The following NMNAT2 variants were observed in gnomAD, a reference collection of about 807,000 sequenced individuals.
NMNAT2 encodes nicotinamide/nicotinic acid mononucleotide adenylyltransferase 2.
Under a neutral mutation model 41.6 loss-of-function variants are expected in NMNAT2, and 11 were observed. That is an observed-to-expected ratio of 0.26 (90% CI 0.17 to 0.44). The LOEUF (loss-of-function observed/expected upper bound fraction) is 0.44. NMNAT2 is among the 20% of genes least tolerant of loss of function. NMNAT2 has a pLI of 1.00. For synonymous variants in NMNAT2, 148 were observed against 151.2 expected, an observed-to-expected ratio of 0.98 and a Z score of 0.16; for missense variants, 288 against 407.7, an observed-to-expected ratio of 0.71 and a Z score of 2.53.
intron 1 of NMNAT2, among the ~76,000 whole-genome samples, chr1:183,326,892 G>T (rs1260608927): frequency 6.6e-6 from 1 of 152,152 alleles, no homozygotes; most frequent in Non-Finnish European, 1.5e-5. Context: ...AGATAACCAG[G>T]TGGATGGAAG....
chr1:183,271,712 G>A (rs1466144738), intron 8 of NMNAT2, among the ~76,000 whole-genome samples: 1 of 152,060 alleles, frequency 6.6e-6, no homozygotes, highest in Non-Finnish European at 1.5e-5. Flanking sequence ...AGCATTTGTT[G>A]AAAGATTGAT....
At chr1:183,292,686 A>G in intron 3 of NMNAT2, 104 bp downstream of exon 3, 1 of 1,063,976 alleles carries the variant, frequency 9.4e-7, no homozygotes, top group Non-Finnish European at 1.4e-6. Context: ...CTGCCTCCCC[A>G]TCCTTTCAGG....
At position 183,258,917 on chromosome 1, in the gene NMNAT2, C is replaced by T. The variant is rs534654019; in HGVS notation, c.821+2085G>A. Among the ~76,000 whole-genome samples the T allele has an allele frequency of 7.2e-5, 11 of 152,278 alleles. No individual in the cohort carries two copies. In the South Asian group the frequency reaches 1.2e-3, roughly 17 times the overall value. On this transcript the variant is annotated intron_variant, in intron 10 of 10. Transcript: ENST00000287713. The stretch of plus-strand genomic sequence containing the variant: ...AAGTTTTCCTTAAAAACTCTGCTCC[C>T]GAAATGCTCAGGGAGACTGATTTGA...
intron 1 of NMNAT2, among the ~76,000 whole-genome samples, chr1:183,372,353 C>T (rs796876192): frequency 9.2e-5 from 14 of 152,172 alleles, no homozygotes; most frequent in African/African-American, 3.1e-4. Flanking sequence ...GAAATAGACT[C>T]CACACCACAG....
intron 1 of NMNAT2, among the ~76,000 whole-genome samples, chr1:183,417,381 C>T (rs376186987): frequency 6.6e-6 from 1 of 152,148 alleles, no homozygotes; most frequent in Non-Finnish European, 1.5e-5. Flanking sequence ...TTCGCACATT[C>T]GTACACACAC....
At chr1:183,298,856 G>T (rs1661773853) in intron 1 of NMNAT2, among the ~76,000 whole-genome samples, 1 of 152,164 alleles carries the variant, frequency 6.6e-6, no homozygotes, top group Non-Finnish European at 1.5e-5. Context: ...AAAATGATAT[G>T]AAATTTAATG....
In NMNAT2 at chr1:183,252,486, C is replaced by T; in HGVS notation, c.*155G>A. Reference sequence around the variant, plus strand: ...AAGATGACTGTGGAATAGGGAATGCCATGGTTCTCTGCAGGTCCCCCACAC... The same window carrying T: ...AAGATGACTGTGGAATAGGGAATGCTATGGTTCTCTGCAGGTCCCCCACAC... On this transcript the variant is annotated 3_prime_UTR_variant, in exon 11 of 11. Transcript: ENST00000287713. 2 of 677,310 alleles carry T rather than the reference C, an allele frequency of 3.0e-6. No individual in the cohort carries two copies. Among genetic ancestry groups the T allele is most frequent in the Non-Finnish European group, 5.4e-6 (2 of 371,510 alleles). The allele number at this position is 677,310 out of a possible 1,614,324, so 42.0% of individuals were successfully genotyped here.
intron 1 of NMNAT2, among the ~76,000 whole-genome samples, chr1:183,375,554 C>T (rs1245468105): frequency 6.6e-6 from 1 of 152,228 alleles, no homozygotes; most frequent in Non-Finnish European, 1.5e-5. Context: ...CTCACTTTCT[C>T]TAAGAAAACT....
chr1:183,250,508 C>G lies in NMNAT2; in HGVS notation c.*2133G>C, dbSNP rs1660346815. On this transcript the variant is annotated 3_prime_UTR_variant, in exon 11 of 11. Coordinates refer to ENST00000287713, the MANE Select transcript of NMNAT2 (RefSeq NM_015039.4). The stretch of plus-strand genomic sequence containing the variant: ...AGAAATCATATGGGCACCTGGTCAG[C>G]AACATGAGGAAATGGAGGGTGTGGT... 6.6e-6 allele frequency: 1 copy of G among 152,554 alleles called. No homozygotes were observed. The highest frequency in any genetic ancestry group is 1.5e-5 in the Non-Finnish European group (1 of 68,112). The allele number at this position is 152,554 out of a possible 1,614,324, so 9.5% of individuals were successfully genotyped here.
intron 1 of NMNAT2, among the ~76,000 whole-genome samples, chr1:183,327,275 C>T (rs1233265845): frequency 5.9e-5 from 9 of 152,186 alleles, no homozygotes; most frequent in Middle Eastern, 3.4e-3. Flanking sequence ...AGGCTGGTCT[C>T]GAACTCCTGA....
chr1:183,394,808 C>G (rs1648587083), intron 1 of NMNAT2, among the ~76,000 whole-genome samples: 1 of 152,234 alleles, frequency 6.6e-6, no homozygotes, highest in African/African-American at 2.4e-5. Flanking sequence ...TCGCAAGTCA[C>G]TCCATTCTCA....
Position 183,284,017 on chromosome 1 carries a change from C to T in NMNAT2, c.552G>A (p.Thr184=), listed in dbSNP as rs750949491. The change falls in exon 7 of 11, where the codon ACG becomes ACA. Residue 184 remains threonine, a synonymous_variant. Transcript: ENST00000287713. ...TFVDENANLG[T]VMRYEEIELR... Reference sequence around the variant, plus strand: ...CACCAATCTCTTCATACCGCATCACCGTGCCCAGATTGGCATTCTCATCTA... The same window carrying T: ...CACCAATCTCTTCATACCGCATCACTGTGCCCAGATTGGCATTCTCATCTA... 31 of 1,613,628 alleles carry T rather than the reference C, an allele frequency of 1.9e-5. No individual in the cohort carries two copies. In the East Asian group the frequency reaches 4.5e-4, roughly 23 times the overall value.
chr1:183,375,347 A>G (rs1663652868), intron 1 of NMNAT2, among the ~76,000 whole-genome samples: 1 of 152,140 alleles, frequency 6.6e-6, no homozygotes, highest in Non-Finnish European at 1.5e-5. Flanking sequence ...CAGCCTCTTC[A>G]GCCACATCTT....
At chr1:183,274,210 GC>G (rs1372954782) in intron 8 of NMNAT2, among the ~76,000 whole-genome samples, 8 of 152,032 alleles carry the variant, frequency 5.3e-5, no homozygotes, top group Non-Finnish European at 5.9e-5. Context: ...ACTGCGCCTG[GC>G]TGGCCAGCTC....
chr1:183,342,955 T>C (rs899198825), intron 1 of NMNAT2, among the ~76,000 whole-genome samples: 1 of 151,892 alleles, frequency 6.6e-6, no homozygotes, highest in Non-Finnish European at 1.5e-5. Context: ...TCTTGCTTTG[T>C]TACCCAGGCT....
At chr1:183,399,944 A>G (rs1648764529) in intron 1 of NMNAT2, among the ~76,000 whole-genome samples, 1 of 152,244 alleles carries the variant, frequency 6.6e-6, no homozygotes, top group African/African-American at 2.4e-5. Flanking sequence ...TGACAAACCT[A>G]CAGCCAATAT....
intron 1 of NMNAT2, among the ~76,000 whole-genome samples, chr1:183,391,958 G>A (rs1648495932): frequency 6.6e-6 from 1 of 152,136 alleles, no homozygotes; most frequent in Non-Finnish European, 1.5e-5. Flanking sequence ...AAACATGGCA[G>A]TGCCCCAGGA....
intron 1 of NMNAT2, among the ~76,000 whole-genome samples, chr1:183,363,015 T>C (rs917593352): frequency 2.0e-5 from 3 of 152,220 alleles, no homozygotes; most frequent in African/African-American, 4.8e-5. Flanking sequence ...TATCTCACTG[T>C]GATTTTGATT....
At chr1:183,265,258 C>CTTTTTTTTTTT (rs67117635) in intron 8 of NMNAT2, among the ~76,000 whole-genome samples, 9 of 64,566 alleles carry the variant, frequency 1.4e-4, no homozygotes, top group Non-Finnish European at 1.3e-4. Flanking sequence ...TCTTCTTCTT[C>CTTTTTTTTTTT]TTTTTTTTTT....
Sources: allele counts gnomAD v4.1 joint callset (sites outside exome capture counted in the v4.1 genomes callset), GRCh38; gene constraint gnomAD v4.1.1; transcripts MANE v1.5; gene names NCBI Gene and HGNC (gene_info 2026-07-23, HGNC 2026-07-21).